NEGR1: variants seen among roughly 807,000 people sequenced by gnomAD.
The protein encoded by NEGR1 is neuronal growth regulator 1, also known as IgLON family member 4.
In NEGR1, 10 loss-of-function variants were observed where a neutral mutation model predicts 40.9. The observed-to-expected ratio is 0.24, with a 90% CI of 0.15 to 0.42. The LOEUF (loss-of-function observed/expected upper bound fraction) is 0.42, where lower values mean the gene tolerates loss of function less well. Ranked by LOEUF, NEGR1 falls within the 10% of genes least tolerant of loss-of-function variation. The pLI is 1.00. For synonymous variants in NEGR1, 185 were observed against 166.8 expected, an observed-to-expected ratio of 1.11 and a Z score of -0.84; for missense variants, 352 against 438.9, an observed-to-expected ratio of 0.80 and a Z score of 1.77.
intron 6 of NEGR1, among the ~76,000 whole-genome samples, chr1:71,545,890 A>G (rs986229253): frequency 6.6e-6 from 1 of 151,676 alleles, no homozygotes; most frequent in African/African-American, 2.4e-5. Flanking sequence ...TTTTGGCACC[A>G]TTTGCTACTT....
intron 6 of NEGR1, among the ~76,000 whole-genome samples, chr1:71,429,418 C>T (rs562649201): frequency 6.6e-6 from 1 of 152,242 alleles, no homozygotes; most frequent in Non-Finnish European, 1.5e-5. Flanking sequence ...GGGGGTTGCA[C>T]AGTAAAATCC....
chr1:72,166,875 T>C (rs1651785417), intron 1 of NEGR1, among the ~76,000 whole-genome samples: 4 of 152,226 alleles, frequency 2.6e-5, no homozygotes, highest in Admixed American at 6.5e-5. Context: ...TATATATATA[T>C]ACACAATTAT....
chr1:71,825,190 G>A (rs1658575832), intron 2 of NEGR1, among the ~76,000 whole-genome samples: 1 of 151,930 alleles, frequency 6.6e-6, no homozygotes, highest in South Asian at 2.1e-4. Context: ...TCTGGGGGAT[G>A]TAAAATAGTA....
intron 1 of NEGR1, among the ~76,000 whole-genome samples, chr1:71,948,482 C>T (rs948071077): frequency 2.5e-4 from 36 of 146,408 alleles, no homozygotes; most frequent in African/African-American, 7.1e-4. Context: ...TCAAAAGGGG[C>T]GTGTGTGTGT....
chr1:71,997,054 T>C (rs1483674182), intron 1 of NEGR1, among the ~76,000 whole-genome samples: 1 of 152,062 alleles, frequency 6.6e-6, no homozygotes, highest in Admixed American at 6.6e-5. Flanking sequence ...AGTATTAATG[T>C]CACCTCTATT....
chr1:72,233,136 T>TGAAAACACACAATAA (rs1654429254), intron 1 of NEGR1, among the ~76,000 whole-genome samples: 1 of 152,034 alleles, frequency 6.6e-6, no homozygotes, highest in Non-Finnish European at 1.5e-5. Context: ...CCCAAGGAAA[T>TGAAAACACACAATAA]GAAAACACAC....
intron 4 of NEGR1, among the ~76,000 whole-genome samples, chr1:71,629,128 T>A (rs1420632516): frequency 6.6e-6 from 1 of 152,116 alleles, no homozygotes; most frequent in East Asian, 1.9e-4. Flanking sequence ...TGGTATCTCA[T>A]TGTGGTTTTG....
chr1:72,145,945 A>C (rs889444993), intron 1 of NEGR1, among the ~76,000 whole-genome samples: 1 of 152,112 alleles, frequency 6.6e-6, no homozygotes, highest in African/African-American at 2.4e-5. Flanking sequence ...CATACCTTAT[A>C]GTTTTTCTTT....
At chr1:71,843,838 C>G (rs567457502) in intron 2 of NEGR1, among the ~76,000 whole-genome samples, 2 of 152,060 alleles carry the variant, frequency 1.3e-5, no homozygotes, top group Non-Finnish European at 2.9e-5. Flanking sequence ...TGAATAGAAT[C>G]GCTCCATTAA....
At chr1:71,477,236 C>G (rs775154282) in intron 6 of NEGR1, 1 of 152,062 alleles carries the variant, frequency 6.6e-6, no homozygotes, top group Non-Finnish European at 1.5e-5. Context: ...TCAAAGACTA[C>G]TTTTATATGT....
At chr1:71,781,035 T>C (rs1656697046) in intron 2 of NEGR1, among the ~76,000 whole-genome samples, 1 of 152,242 alleles carries the variant, frequency 6.6e-6, no homozygotes, top group African/African-American at 2.4e-5. Flanking sequence ...AGTTTGTGAG[T>C]GCACGGCATT....
chr1:71,686,461 T>C (rs529835809), intron 4 of NEGR1, among the ~76,000 whole-genome samples: 20 of 152,218 alleles, frequency 1.3e-4, no homozygotes, highest in African/African-American at 4.8e-4. Context: ...GCTTTCAAGG[T>C]CATCCTGAAA....
At chr1:72,255,326 T>A (rs150456377) in intron 1 of NEGR1, among the ~76,000 whole-genome samples, 1 of 152,158 alleles carries the variant, frequency 6.6e-6, no homozygotes, top group African/African-American at 2.4e-5. Context: ...TCAGAATTCA[T>A]GAACACCTAT....
chr1:71,985,932 G>A (rs961778331), intron 1 of NEGR1, among the ~76,000 whole-genome samples: 4 of 152,134 alleles, frequency 2.6e-5, no homozygotes, highest in African/African-American at 9.7e-5. Context: ...TCATATTTGA[G>A]AAGAGGATAA....
intron 3 of NEGR1, among the ~76,000 whole-genome samples, chr1:71,704,717 C>A (rs1450303665): frequency 1.3e-5 from 2 of 151,674 alleles, no homozygotes; most frequent in East Asian, 1.9e-4. Flanking sequence ...ATAAATAATA[C>A]CAAACCTACA....
chr1:72,100,203 C>A lies in NEGR1; in HGVS notation c.177-164892G>T, dbSNP rs529157489. ...ACCACCAAAGGATCCAAGATTATAA[C>A]TAAAAAACAAATCAATACTTAATTT... is the stretch of plus-strand genomic sequence containing the variant. On this transcript the variant is annotated intron_variant, in intron 1 of 6. Coordinates refer to ENST00000357731, the MANE Select transcript of NEGR1 (RefSeq NM_173808.3). 3.3e-5 allele frequency among the ~76,000 whole-genome samples: 5 copies of A among 152,110 alleles called. No homozygotes were observed. In the South Asian group the frequency reaches 1.0e-3, roughly 32 times the overall value.
intron 6 of NEGR1, among the ~76,000 whole-genome samples, chr1:71,560,106 G>A (rs1026008535): frequency 2.7e-5 from 4 of 150,550 alleles, no homozygotes; most frequent in Non-Finnish European, 5.9e-5. Context: ...TGATGATGAT[G>A]ATGATAACTA....
chr1:71,460,148 A>G (rs939938747), intron 6 of NEGR1, among the ~76,000 whole-genome samples: 1 of 152,202 alleles, frequency 6.6e-6, no homozygotes, highest in African/African-American at 2.4e-5. Flanking sequence ...TGAACAACAC[A>G]TATTTCAGGT....
chr1:71,789,706 A>T (rs1236554386), intron 2 of NEGR1, among the ~76,000 whole-genome samples: 1 of 152,078 alleles, frequency 6.6e-6, no homozygotes, highest in Non-Finnish European at 1.5e-5. Flanking sequence ...TGTGGTTAAG[A>T]CTGAAAAGTG....
Sources: allele counts gnomAD v4.1 joint callset (sites outside exome capture counted in the v4.1 genomes callset), GRCh38; gene constraint gnomAD v4.1.1; transcripts MANE v1.5; gene names NCBI Gene and HGNC (gene_info 2026-07-23, HGNC 2026-07-21).